SPOCK3: variants seen among roughly 807,000 people sequenced by gnomAD.
SPOCK3 encodes testican-3.
In SPOCK3, 30 loss-of-function variants were observed where a neutral mutation model predicts 56.6. The ratio of observed to expected loss-of-function variants is 0.53; its 90% CI spans 0.40 to 0.72. The LOEUF (loss-of-function observed/expected upper bound fraction) is 0.72. SPOCK3 is among the 30% of genes least tolerant of loss of function. SPOCK3 has a pLI of 0.00. For synonymous variants in SPOCK3, 196 were observed against 183.3 expected (o/e 1.07, Z -0.56); for missense variants, 527 against 530.0 (o/e 0.99, Z 0.06).
At chr4:166,744,556 T>C (rs1372742933) in intron 8 of SPOCK3, among the ~76,000 whole-genome samples, 1 of 151,946 alleles carries the variant, frequency 6.6e-6, no homozygotes, top group Non-Finnish European at 1.5e-5. Flanking sequence ...CTGAAAATTC[T>C]AAAAACCAGA....
intron 6 of SPOCK3, among the ~76,000 whole-genome samples, chr4:166,846,814 T>C (rs1212974120): frequency 6.6e-6 from 1 of 152,142 alleles, no homozygotes; most frequent in Non-Finnish European, 1.5e-5. Context: ...TTGTAGTCTT[T>C]AATGACATAT....
intron 4 of SPOCK3, among the ~76,000 whole-genome samples, chr4:166,996,948 C>G (rs1561099415): frequency 6.6e-6 from 1 of 152,024 alleles, no homozygotes; most frequent in African/African-American, 2.4e-5. Flanking sequence ...TTCTTAAAAC[C>G]AATCGTTACA....
intron 2 of SPOCK3, among the ~76,000 whole-genome samples, chr4:167,076,426 G>C (rs185142640): frequency 6.6e-6 from 1 of 151,526 alleles, no homozygotes. Flanking sequence ...TGTACCTTCT[G>C]CTTGCTCGAT....
intron 4 of SPOCK3, among the ~76,000 whole-genome samples, chr4:166,998,089 A>C (rs1481551306): frequency 6.6e-6 from 1 of 152,292 alleles, no homozygotes; most frequent in Non-Finnish European, 1.5e-5. Flanking sequence ...AATAATCACT[A>C]TGTACTGACA....
intron 2 of SPOCK3, among the ~76,000 whole-genome samples, chr4:167,081,391 T>G (rs576539896): frequency 6.6e-6 from 1 of 151,934 alleles, no homozygotes; most frequent in Non-Finnish European, 1.5e-5. Flanking sequence ...TGAAATAATA[T>G]TAAAAGGAAA....
At chr4:166,969,836 T>C (rs1335187278) in intron 4 of SPOCK3, among the ~76,000 whole-genome samples, 7 of 152,322 alleles carry the variant, frequency 4.6e-5, no homozygotes, top group African/African-American at 1.7e-4. Context: ...AATTCAACAA[T>C]TGGACATACC....
Position 166,825,139 on chromosome 4 carries a change from T to A in SPOCK3, c.590-32850A>T, listed in dbSNP as rs146545210. Among the ~76,000 whole-genome samples, 287 of 152,194 alleles carry A rather than the reference T, an allele frequency of 1.9e-3. 3 individuals are homozygous for A. Among genetic ancestry groups the A allele is most frequent in the African/African-American group, 6.2e-3 (259 of 41,554 alleles). On this transcript the variant is annotated intron_variant, in intron 6 of 10. Coordinates refer to ENST00000357545, the MANE Select transcript of SPOCK3 (RefSeq NM_001040159.2). ...ATGGAAATAAAAAGTCACTATTATG[T>A]GACAAATAAGGTACCTAAGAAAATA...
At chr4:166,912,115 G>A (rs186679163) in intron 5 of SPOCK3, among the ~76,000 whole-genome samples, 19 of 152,140 alleles carry the variant, frequency 1.2e-4, no homozygotes, top group African/African-American at 4.6e-4. Flanking sequence ...GAGAGCAAAG[G>A]CATTGAATCA....
intron 3 of SPOCK3, among the ~76,000 whole-genome samples, chr4:167,043,824 T>C (rs1753455192): frequency 6.6e-6 from 1 of 152,024 alleles, no homozygotes. Flanking sequence ...AATACATTTT[T>C]GGACTGGATT....
At chr4:167,161,603 C>T (rs78669244) in intron 2 of SPOCK3, among the ~76,000 whole-genome samples, 36 of 152,138 alleles carry the variant, frequency 2.4e-4, no homozygotes, top group East Asian at 1.4e-3. Flanking sequence ...ATGGTTATTG[C>T]GGCACTATTC....
intron 2 of SPOCK3, among the ~76,000 whole-genome samples, chr4:167,182,513 C>A (rs1366910158): frequency 6.6e-6 from 1 of 150,736 alleles, no homozygotes; most frequent in Non-Finnish European, 1.5e-5. Flanking sequence ...TAAAAACATA[C>A]CTGACAAGTG....
intron 6 of SPOCK3, among the ~76,000 whole-genome samples, chr4:166,809,172 A>AAT (rs951942994): frequency 2.0e-5 from 3 of 151,752 alleles, no homozygotes; most frequent in Admixed American, 6.6e-5. Context: ...TAATGTGCTC[A>AAT]ATATATATAT....
chr4:167,113,791 A>G (rs770927561), intron 2 of SPOCK3, among the ~76,000 whole-genome samples: 1 of 152,030 alleles, frequency 6.6e-6, no homozygotes, highest in Non-Finnish European at 1.5e-5. Flanking sequence ...GGCTATGGAC[A>G]AAGGTGAAGA....
At chr4:167,168,408 T>G (rs1315531628) in intron 2 of SPOCK3, among the ~76,000 whole-genome samples, 2 of 152,120 alleles carry the variant, frequency 1.3e-5, no homozygotes, top group African/African-American at 4.8e-5. Context: ...CTTAGAGACT[T>G]GCTGAATGGC....
chr4:167,175,817 G>A (rs951100876), intron 2 of SPOCK3, among the ~76,000 whole-genome samples: 1 of 152,004 alleles, frequency 6.6e-6, no homozygotes, highest in Non-Finnish European at 1.5e-5. Context: ...TGCCACTCTG[G>A]TACTGTGTTA....
chr4:166,776,405 C>G (rs533427293), intron 7 of SPOCK3, among the ~76,000 whole-genome samples: 8 of 151,768 alleles, frequency 5.3e-5, no homozygotes, highest in African/African-American at 1.9e-4. Context: ...GAGTGAGACT[C>G]CATCTCAAAA....
chr4:167,192,694 GTTAT>G (rs1732575271), intron 2 of SPOCK3, among the ~76,000 whole-genome samples: 1 of 145,128 alleles, frequency 6.9e-6, no homozygotes, highest in Admixed American at 7.1e-5. Flanking sequence ...AAGATGTACA[GTTAT>G]TTGTTTGAAA....
rs372352949 is a variant in SPOCK3, at chr4:167,106,020, C to T, written c.190-43483G>A. Among the ~76,000 whole-genome samples, 24 of 152,010 alleles carry T rather than the reference C, an allele frequency of 1.6e-4. No individual in the cohort carries two copies. The East Asian group carries it at 4.6e-3, about 29-fold the overall frequency. ...ATTAGATTAAAGAGAGAGGCCAATA[C>T]AATAATAGCTGGAGAGTTTAACACC... is the stretch of plus-strand genomic sequence containing the variant. On this transcript the variant is annotated intron_variant, in intron 2 of 10. Coordinates refer to ENST00000357545, the MANE Select transcript of SPOCK3 (RefSeq NM_001040159.2).
intron 2 of SPOCK3, among the ~76,000 whole-genome samples, chr4:167,138,651 G>C (rs1393233359): frequency 6.6e-6 from 1 of 151,798 alleles, no homozygotes; most frequent in Non-Finnish European, 1.5e-5. Flanking sequence ...CATAAGATTG[G>C]GAGAAAGGAG....
Sources: allele counts gnomAD v4.1 joint callset (sites outside exome capture counted in the v4.1 genomes callset), GRCh38; gene constraint gnomAD v4.1.1; transcripts MANE v1.5; gene names NCBI Gene and HGNC (gene_info 2026-07-23, HGNC 2026-07-21).